The following CPSF4 variants were observed in gnomAD, a reference collection of about 807,000 sequenced individuals.
CPSF4 encodes the protein cleavage and polyadenylation specificity factor subunit 4.
Under a neutral mutation model 37.7 loss-of-function variants are expected in CPSF4, and 11 were observed. That is an observed-to-expected ratio of 0.29 (90% CI 0.18 to 0.48). The LOEUF (loss-of-function observed/expected upper bound fraction) is 0.48. CPSF4 is among the 20% of genes least tolerant of loss of function. The pLI, the probability that CPSF4 is intolerant of heterozygous loss-of-function variation, is 0.99. For synonymous variants in CPSF4, 132 were observed against 135.9 expected, an observed-to-expected ratio of 0.97 and a Z score of 0.20; for missense variants, 144 against 359.5, an observed-to-expected ratio of 0.40 and a Z score of 4.85.
intron 7 of CPSF4, among the ~76,000 whole-genome samples, chr7:99,455,428 C>T (rs1022782537): frequency 5.9e-5 from 9 of 152,022 alleles, no homozygotes; most frequent in Non-Finnish European, 8.8e-5. Context: ...CAGCTGGGTG[C>T]GGTGGCTCAC....
chr7:99,440,887 C>T (rs1180261288), intron 1 of CPSF4, among the ~76,000 whole-genome samples: 2 of 150,522 alleles, frequency 1.3e-5, no homozygotes, highest in Admixed American at 1.3e-4. Context: ...CACACACACA[C>T]CCCCTCTTAC....
chr7:99,446,823 CTT>C (rs1222336882), intron 2 of CPSF4, among the ~76,000 whole-genome samples: 2 of 74,962 alleles, frequency 2.7e-5, no homozygotes, highest in Non-Finnish European at 4.7e-5. Context: ...GAGTTTTGCT[CTT>C]GTTGCCCAGG....
chr7:99,439,293 C>T, intron 1 of CPSF4, 108 bp downstream of exon 1: 1 of 758,292 alleles, frequency 1.3e-6, no homozygotes, highest in Non-Finnish European at 2.0e-6. Context: ...CCCCGGCTTC[C>T]TCTGGATCCT....
intron 2 of CPSF4, among the ~76,000 whole-genome samples, chr7:99,445,820 G>A (rs551465288): frequency 2.8e-4 from 43 of 152,184 alleles, no homozygotes; most frequent in African/African-American, 7.7e-4. Flanking sequence ...TTAGGCAGAG[G>A]TTGTAGTGAG....
At chr7:99,443,173 C>T in intron 1 of CPSF4, 1 of 784,718 alleles carries the variant, frequency 1.3e-6, no homozygotes, top group South Asian at 1.3e-5. Flanking sequence ...TCCAAGCTCA[C>T]AGGTACACTG....
intron 4 of CPSF4, 56 bp from the exon 5 acceptor site, chr7:99,450,646 C>G: frequency 5.1e-6 from 7 of 1,382,492 alleles, no homozygotes; most frequent in Non-Finnish European, 7.2e-6. Context: ...AAACCATGCT[C>G]CAGCTCTCTA....
intron 1 of CPSF4, among the ~76,000 whole-genome samples, chr7:99,440,049 T>G (rs909763332): frequency 6.6e-6 from 1 of 152,228 alleles, no homozygotes; most frequent in African/African-American, 2.4e-5. Context: ...GTTTTCTTTG[T>G]GTCTTCTTTC....
chr7:99,440,655 CATAT>C (rs1228721219), intron 1 of CPSF4, among the ~76,000 whole-genome samples: 2 of 90,598 alleles, frequency 2.2e-5, no homozygotes, highest in African/African-American at 1.7e-4. Flanking sequence ...CTGCACCTGG[CATAT>C]ATATATATAT....
chr7:99,444,906 C>A (rs1222113776), intron 2 of CPSF4, 67 bp downstream of exon 2: 2 of 1,379,452 alleles, frequency 1.4e-6, no homozygotes, highest in African/African-American at 1.4e-5. Flanking sequence ...CCCCGGCAGA[C>A]TTGGAGGCCG....
chr7:99,450,558 C>G (rs930295187), intron 4 of CPSF4, 144 bp from the exon 5 acceptor site: 33 of 801,578 alleles, frequency 4.1e-5, no homozygotes, highest in Middle Eastern at 3.1e-4. Flanking sequence ...GGTCCACCCG[C>G]TTTTTTGATA....
At chr7:99,444,977 TG>T (rs1797359020) in intron 2 of CPSF4, 138 bp downstream of exon 2, 1 of 777,160 alleles carries the variant, frequency 1.3e-6, no homozygotes, top group South Asian at 1.6e-5. Flanking sequence ...AAAACTGGTT[TG>T]GACAGGCTAG....
At chr7:99,454,221 G>A in intron 7 of CPSF4, 85 bp downstream of exon 7, 1 of 1,261,970 alleles carries the variant, frequency 7.9e-7, no homozygotes, top group Middle Eastern at 2.0e-4. Flanking sequence ...TTGGTGAAAT[G>A]AGAAAAATGA....
chr7:99,449,435 G>A (rs956175750), intron 3 of CPSF4, among the ~76,000 whole-genome samples: 11 of 152,256 alleles, frequency 7.2e-5, no homozygotes, highest in African/African-American at 2.7e-4. Flanking sequence ...TCTGTCCCCA[G>A]AGGCAGCAGC....
intron 7 of CPSF4, 68 bp downstream of exon 7, chr7:99,454,204 C>T: frequency 2.2e-6 from 3 of 1,366,600 alleles, no homozygotes; most frequent in East Asian, 2.3e-5. Context: ...CCTCATGCCC[C>T]ATGTGTTTGG....
chr7:99,442,670 A>AAAC (rs1554363516), intron 1 of CPSF4, among the ~76,000 whole-genome samples: 2 of 143,972 alleles, frequency 1.4e-5, no homozygotes, highest in African/African-American at 2.9e-5. Flanking sequence ...AAAAAAAAAA[A>AAAC]AAAAACAAAA....
rs377447208 is a variant in CPSF4, at chr7:99,453,950, G to A, written c.571-16G>A. 8.7e-6 allele frequency: 14 copies of A among 1,613,264 alleles called. No homozygotes were observed. Among genetic ancestry groups the A allele is most frequent in the East Asian group, 4.5e-5 (2 of 44,860 alleles). ...GTGTTTTCCACAGTAAAACCGTGTTGTGTAACTCTTTCCAGCAAAGTAACA... is the reference window on the plus strand; with the variant it reads ...GTGTTTTCCACAGTAAAACCGTGTTATGTAACTCTTTCCAGCAAAGTAACA... On this transcript the variant is annotated splice_polypyrimidine_tract_variant and intron_variant, in intron 6 of 7. Transcript: ENST00000292476. The surrounding 1 kb of genome is among the most constrained non-coding windows in gnomAD (Gnocchi z 4.7).
At chr7:99,452,633 C>G in intron 6 of CPSF4, 193 bp downstream of exon 6, 1 of 580,582 alleles carries the variant, frequency 1.7e-6, no homozygotes, top group South Asian at 2.0e-5. Context: ...GGGCCTCTTG[C>G]CCTAGAACCT....
Position 99,440,674 on chromosome 7 carries a change from A to AT in CPSF4, c.103+1508dup, listed in dbSNP as rs1195402168. On this transcript the variant is annotated intron_variant, in intron 1 of 7. Transcript: ENST00000292476. ...ACCTGGCATATATATATATATATAT[A>AT]TTTTTTTTTTTTTTTTTTTCCTGCC... Among the ~76,000 whole-genome samples, 120 of 88,090 alleles carry AT rather than the reference A, an allele frequency of 1.4e-3. 5 individuals are homozygous for AT. Among genetic ancestry groups the AT allele is most frequent in the Middle Eastern group, 9.9e-3 (2 of 202 alleles). The allele number at this position is 88,090 out of a possible 152,430, so 57.8% of individuals were successfully genotyped here.
chr7:99,456,329 G>C (rs1310947760), intron 7 of CPSF4, 103 bp from the exon 8 acceptor site: 2 of 970,554 alleles, frequency 2.1e-6, no homozygotes, highest in Admixed American at 1.9e-5. Flanking sequence ...CTGGGGACTT[G>C]GTGGATGATT....
Sources: gnomAD v4.1 joint callset for allele counts (sites outside exome capture counted in the v4.1 genomes callset) on GRCh38, gnomAD v4.1.1 for gene constraint, Gnocchi (gnomAD v3.1) non-coding constraint, MANE v1.5 for transcripts, NCBI Gene and HGNC (gene_info 2026-07-23, HGNC 2026-07-21) for gene names.